The following ZFHX3 variants were observed in gnomAD, a reference collection of about 807,000 sequenced individuals.
ZFHX3 encodes the protein zinc finger homeobox 3.
ZFHX3 carries 42 observed loss-of-function variants against 279.1 expected under a neutral mutation model. The observed-to-expected ratio is 0.15, with a 90% CI of 0.12 to 0.19. The LOEUF is 0.19. Among genes scored for constraint, ZFHX3 ranks in the 10% least tolerant of loss-of-function variants. The pLI is 1.00. For missense variants in ZFHX3, 4,981 were observed against 4,754.0 expected, an observed-to-expected ratio of 1.05 and a Z score of -1.40; for synonymous variants, 2,293 against 1,957.8, an observed-to-expected ratio of 1.17 and a Z score of -4.52.
At chr16:73,542,927 T>G (rs1252889985) in intron 2 of ZFHX3, among the ~76,000 whole-genome samples, 2 of 152,088 alleles carry the variant, frequency 1.3e-5, no homozygotes, top group Non-Finnish European at 2.9e-5. Flanking sequence ...TTGGGGGAAA[T>G]GTATTCCTAA....
At chr16:73,541,335 A>G (rs560727362) in intron 2 of ZFHX3, among the ~76,000 whole-genome samples, 86 of 151,920 alleles carry the variant, frequency 5.7e-4, no homozygotes, top group Non-Finnish European at 1.0e-3. Flanking sequence ...AAATTTAAAA[A>G]CTTAGCCAGG....
At chr16:73,512,069 T>C (rs2019437782) in intron 2 of ZFHX3, among the ~76,000 whole-genome samples, 1 of 151,882 alleles carries the variant, frequency 6.6e-6, no homozygotes, top group South Asian at 2.1e-4. Flanking sequence ...GTGTCTGCCC[T>C]GGGAATTAAT....
At chr16:73,539,606 C>G (rs2019975710) in intron 2 of ZFHX3, among the ~76,000 whole-genome samples, 1 of 151,998 alleles carries the variant, frequency 6.6e-6, no homozygotes, top group Admixed American at 6.6e-5. Flanking sequence ...AAAGAGGGAA[C>G]TTTTATAGGT....
intron 1 of ZFHX3, among the ~76,000 whole-genome samples, chr16:73,707,337 A>G (rs2142222629): frequency 6.6e-6 from 1 of 152,296 alleles, no homozygotes; most frequent in Non-Finnish European, 1.5e-5. Flanking sequence ...TTCAAGTCTT[A>G]AACATATCAA....
At position 72,987,359 on chromosome 16, in the gene ZFHX3, T is replaced by C. The variant is rs553138733; in HGVS notation, c.-49-27165A>G. ...CACTTTGAGAGCTGACAGGCCAAAG[T>C]AAGATGATGTGGAGGCTGCTTCCAC... On this transcript the variant is annotated intron_variant, in intron 1 of 9. Coordinates refer to ENST00000268489, the MANE Select transcript of ZFHX3 (RefSeq NM_006885.4). Among the ~76,000 whole-genome samples, 215 of 152,216 alleles carry C rather than the reference T, an allele frequency of 1.4e-3. 1 individual carries two copies. The highest frequency in any genetic ancestry group is 0.01 in the Middle Eastern group (3 of 294).
intron 1 of ZFHX3, among the ~76,000 whole-genome samples, chr16:73,890,479 T>C (rs1169124801): frequency 6.6e-6 from 1 of 152,196 alleles, no homozygotes; most frequent in Non-Finnish European, 1.5e-5. Context: ...AGAGATGAAA[T>C]TGCATTTTCT....
chr16:73,243,802 A>C (rs1420918266), intron 5 of ZFHX3, among the ~76,000 whole-genome samples: 1 of 152,138 alleles, frequency 6.6e-6, no homozygotes, highest in African/African-American at 2.4e-5. Flanking sequence ...GGACTTACGC[A>C]ACAGATCACC....
intron 5 of ZFHX3, among the ~76,000 whole-genome samples, chr16:73,240,385 A>C (rs895736943): frequency 6.6e-6 from 1 of 151,886 alleles, no homozygotes. Context: ...TGCCTGGATC[A>C]TTTTTGTATT....
At chr16:73,703,616 A>C (rs938488310) in intron 1 of ZFHX3, among the ~76,000 whole-genome samples, 1 of 152,156 alleles carries the variant, frequency 6.6e-6, no homozygotes, top group Non-Finnish European at 1.5e-5. Flanking sequence ...AGAAGTGTGC[A>C]GAGATCGGTA....
At chr16:73,120,780 G>T (rs548162663) in intron 7 of ZFHX3, among the ~76,000 whole-genome samples, 17 of 148,948 alleles carry the variant, frequency 1.1e-4, no homozygotes, top group South Asian at 2.2e-4. Context: ...TCAACCTCCC[G>T]AGTAGCTGGG....
chr16:73,197,551 A>G (rs905891453), intron 5 of ZFHX3, among the ~76,000 whole-genome samples: 4 of 152,234 alleles, frequency 2.6e-5, no homozygotes, highest in African/African-American at 9.6e-5. Flanking sequence ...GGATAATTCA[A>G]ACCACCTAAA....
At chr16:73,399,455 G>A (rs1347682773) in intron 3 of ZFHX3, among the ~76,000 whole-genome samples, 3 of 152,180 alleles carry the variant, frequency 2.0e-5, no homozygotes, top group Non-Finnish European at 2.9e-5. Context: ...AGCACCCCAT[G>A]ATAGCAAGTT....
At chr16:72,993,615 A>T (rs1351769106) in intron 1 of ZFHX3, among the ~76,000 whole-genome samples, 3 of 152,182 alleles carry the variant, frequency 2.0e-5, no homozygotes. Flanking sequence ...CGCCTGTTTC[A>T]TCCTTCCTAA....
At chr16:73,337,905 C>T (rs1011878290) in intron 3 of ZFHX3, among the ~76,000 whole-genome samples, 4 of 79,890 alleles carry the variant, frequency 5.0e-5, no homozygotes, top group African/African-American at 1.3e-4. Flanking sequence ...GGGGGGGGGT[C>T]CTCATCCCCT....
intron 7 of ZFHX3, among the ~76,000 whole-genome samples, chr16:73,113,358 T>C (rs1318956063): frequency 2.0e-5 from 3 of 152,076 alleles, no homozygotes; most frequent in South Asian, 2.1e-4. Context: ...CAAGTTGTCA[T>C]TGAGGATTAG....
At chr16:73,495,878 T>C (rs6564273) in intron 2 of ZFHX3, among the ~76,000 whole-genome samples, 33,496 of 152,162 alleles carry the variant, frequency 0.22, 3,914 homozygotes, top group African/African-American at 0.31. Flanking sequence ...TCACATGAAT[T>C]TTTATTTCAT....
chr16:72,805,956 C>T (rs1247127387), intron 7 of ZFHX3: 3 of 152,194 alleles, frequency 2.0e-5, no homozygotes, highest in Non-Finnish European at 4.4e-5. Context: ...GTGGCACAAC[C>T]ATGGCTCGCT....
At chr16:73,767,698 T>C (rs1382037065) in intron 1 of ZFHX3, among the ~76,000 whole-genome samples, 6 of 152,210 alleles carry the variant, frequency 3.9e-5, no homozygotes. Context: ...TTTTCTCTCT[T>C]GTTTCTTTCA....
rs34326004 is a variant in ZFHX3 at position 73,619,500 on chromosome 16, T to TATATATATATATATATATATATA, written c.-1547+60679_-1547+60680insTATATATATATATATATATATAT. ...GATACTGTGTCTCAAAAAAAAAAAA[T>TATATATATATATATATATATATA]TATATATATATATATATATGTCTGT... On this transcript the variant is annotated intron_variant, in intron 2 of 17. Coordinates refer to the ZFHX3 transcript ENST00000641206. Among the ~76,000 whole-genome samples the TATATATATATATATATATATATA allele has an allele frequency of 1.1e-3, 146 of 131,584 alleles. 1 individual carries two copies. Among genetic ancestry groups the TATATATATATATATATATATATA allele is most frequent in the African/African-American group, 4.2e-3 (139 of 33,160 alleles). 86.3% of individuals were successfully genotyped at this position (131,584 alleles called of 152,430 possible). A position where few individuals can be genotyped will look rare whatever the true frequency, so the allele number is the denominator to read the frequency against.
Sources: allele counts gnomAD v4.1 joint callset (sites outside exome capture counted in the v4.1 genomes callset), GRCh38; gene constraint gnomAD v4.1.1; transcripts MANE v1.5; gene names NCBI Gene and HGNC (gene_info 2026-07-23, HGNC 2026-07-21).